Variants in FAM168A observed in about 807,000 individuals in gnomAD.
FAM168A encodes the protein protein FAM168A.
A neutral mutation model predicts 28.5 loss-of-function variants in FAM168A; 3 were observed. That is an observed-to-expected ratio of 0.11 (90% CI 0.05 to 0.27). FAM168A has a LOEUF of 0.27. Ranked by LOEUF, FAM168A falls within the 10% of genes least tolerant of loss-of-function variation. The probability of loss-of-function intolerance (pLI) is 1.00; values close to 1 mark genes in which losing one functional copy is unlikely to be tolerated. For missense variants in FAM168A, 222 were observed against 311.5 expected (o/e 0.71, Z 2.16); for synonymous variants, 122 against 124.2 (o/e 0.98, Z 0.12).
chr11:73,420,923 C>CA (rs1378725354), intron 3 of FAM168A: 2 of 152,602 alleles, frequency 1.3e-5, no homozygotes, highest in Non-Finnish European at 1.5e-5. Flanking sequence ...AGAAGAGAAA[C>CA]AGAGTTCTGA....
At chr11:73,590,988 C>A (rs1262361204) in intron 1 of FAM168A, among the ~76,000 whole-genome samples, 1 of 152,082 alleles carries the variant, frequency 6.6e-6, no homozygotes, top group African/African-American at 2.4e-5. Flanking sequence ...ACCAAAAATA[C>A]AAACAATTAG....
At chr11:73,547,850 G>GA (rs35328162) in intron 1 of FAM168A, among the ~76,000 whole-genome samples, 11,154 of 138,134 alleles carry the variant, frequency 0.081, 1,198 homozygotes, top group African/African-American at 0.25. Flanking sequence ...AATGAATGGG[G>GA]AAAAAAAAAA....
At chr11:73,432,315 G>A (rs1867009171) in intron 2 of FAM168A, among the ~76,000 whole-genome samples, 1 of 152,070 alleles carries the variant, frequency 6.6e-6, no homozygotes, top group South Asian at 2.1e-4. Flanking sequence ...TGGGTCATAT[G>A]GTAATTCTAT....
At chr11:73,430,643 T>C (rs1287355654) in intron 3 of FAM168A, 47 bp downstream of exon 3, 1 of 1,550,710 alleles carries the variant, frequency 6.4e-7, no homozygotes, top group South Asian at 1.1e-5. Flanking sequence ...CCAAATAGAG[T>C]CCCCCTTCCC....
chr11:73,472,804 G>A (rs1437152784), intron 1 of FAM168A, among the ~76,000 whole-genome samples: 1 of 152,132 alleles, frequency 6.6e-6, no homozygotes, highest in East Asian at 1.9e-4. Context: ...TGATGCCAAG[G>A]CTTGAGAAAC....
At chr11:73,457,981 G>T (rs1027182561) in intron 2 of FAM168A, among the ~76,000 whole-genome samples, 1 of 152,030 alleles carries the variant, frequency 6.6e-6, no homozygotes, top group Non-Finnish European at 1.5e-5. Flanking sequence ...GACTACGTTT[G>T]TAAAGTGCTT....
chr11:73,437,389 G>A (rs543733954), intron 2 of FAM168A, among the ~76,000 whole-genome samples: 53 of 143,016 alleles, frequency 3.7e-4, no homozygotes, highest in African/African-American at 1.3e-3. Flanking sequence ...GAGCTACCAC[G>A]CCCGGCCACT....
intron 2 of FAM168A, among the ~76,000 whole-genome samples, chr11:73,436,819 T>C (rs1437107037): frequency 3.3e-5 from 5 of 152,226 alleles, no homozygotes; most frequent in Admixed American, 2.6e-4. Flanking sequence ...CCATTTACTT[T>C]GCCAAAATTC....
intron 7 of FAM168A, among the ~76,000 whole-genome samples, 159 bp downstream of exon 7, chr11:73,407,354 T>G (rs1389131372): frequency 1.3e-5 from 2 of 152,188 alleles, no homozygotes; most frequent in East Asian, 3.8e-4. Flanking sequence ...TAGCTATTAT[T>G]AAGAGTGATA....
chr11:73,592,038 T>A (rs1590759007), intron 1 of FAM168A, among the ~76,000 whole-genome samples: 1 of 151,998 alleles, frequency 6.6e-6, no homozygotes, highest in Admixed American at 6.6e-5. Context: ...AGAAAAGAAA[T>A]ACAAGTTAGC....
At chr11:73,491,132 T>C (rs958562177) in intron 1 of FAM168A, among the ~76,000 whole-genome samples, 1 of 152,192 alleles carries the variant, frequency 6.6e-6, no homozygotes, top group Non-Finnish European at 1.5e-5. Flanking sequence ...CAGGACCAGC[T>C]GTTGACAAAA....
At chr11:73,457,516 G>C (rs1214671210) in intron 2 of FAM168A, among the ~76,000 whole-genome samples, 1 of 151,674 alleles carries the variant, frequency 6.6e-6, no homozygotes, top group Non-Finnish European at 1.5e-5. Flanking sequence ...AAAAGTTCTG[G>C]AAATAGTGGG....
intron 2 of FAM168A, among the ~76,000 whole-genome samples, chr11:73,437,421 T>TTTTTTA (rs1867109523): frequency 7.2e-6 from 1 of 138,374 alleles, no homozygotes; most frequent in African/African-American, 2.9e-5. Context: ...TTTTTTTTTT[T>TTTTTTA]GAGACAGAGT....
rs139762255 is a variant in FAM168A, at chr11:73,550,650, G to C, written c.-19+47273C>G. Among the ~76,000 whole-genome samples the C allele has an allele frequency of 9.7e-4, 148 of 152,054 alleles. 1 individual carries two copies. The East Asian group carries it at 0.024, about 25-fold the overall frequency. ...AGCCTGGGTGACAGAGTCAGACTCT[G>C]TCTCAAAAATAAACAAACAATAAGT... On this transcript the variant is annotated intron_variant, in intron 1 of 7. Coordinates refer to ENST00000356467, the MANE Select transcript of FAM168A (RefSeq NM_015159.3).
chr11:73,571,518 GATTGCAGACGGAGT>G (rs1294848238), intron 1 of FAM168A, among the ~76,000 whole-genome samples: 1 of 152,072 alleles, frequency 6.6e-6, no homozygotes, highest in Admixed American at 6.6e-5. Flanking sequence ...GAGGTGCCGG[GATTGCAGACGGAGT>G]CTCGTTCACT....
chr11:73,473,783 C>T (rs933095031), intron 1 of FAM168A, among the ~76,000 whole-genome samples: 5 of 151,990 alleles, frequency 3.3e-5, no homozygotes, highest in Non-Finnish European at 7.4e-5. Flanking sequence ...AGGTCCTCCA[C>T]ATGCTGTTAT....
intron 1 of FAM168A, among the ~76,000 whole-genome samples, chr11:73,537,533 T>C (rs1052794108): frequency 1.3e-5 from 2 of 152,164 alleles, no homozygotes; most frequent in Admixed American, 6.5e-5. Flanking sequence ...TTCCAAGCTA[T>C]GTACTAGCTG....
intron 1 of FAM168A, among the ~76,000 whole-genome samples, chr11:73,477,925 A>G (rs998309645): frequency 3.3e-4 from 5 of 15,046 alleles, no homozygotes; most frequent in South Asian, 2.3e-3. Context: ...TGATATGTAG[A>G]TAGATAGATA....
chr11:73,454,840 C>A (rs1413578122), intron 2 of FAM168A, among the ~76,000 whole-genome samples: 2 of 152,210 alleles, frequency 1.3e-5, no homozygotes, highest in Non-Finnish European at 2.9e-5. Flanking sequence ...CCCTTTTCAG[C>A]CCCTCTTCCC....
Sources: allele counts gnomAD v4.1 joint callset (sites outside exome capture counted in the v4.1 genomes callset), GRCh38; gene constraint gnomAD v4.1.1; transcripts MANE v1.5; gene names NCBI Gene and HGNC (gene_info 2026-07-23, HGNC 2026-07-21).